MGAT4C: variants seen among roughly 807,000 people sequenced by gnomAD.
MGAT4C encodes alpha-1,3-mannosyl-glycoprotein 4-beta-N-acetylglucosaminyltransferase C.
Under a neutral mutation model 40.1 loss-of-function variants are expected in MGAT4C, and 19 were observed. The ratio of observed to expected loss-of-function variants is 0.47; its 90% confidence interval spans 0.33 to 0.70. The LOEUF is 0.70. Ranked by LOEUF, MGAT4C falls within the 30% of genes least tolerant of loss-of-function variation. The probability of loss-of-function intolerance (pLI) is 0.02; values close to 1 mark genes in which losing one functional copy is unlikely to be tolerated. For synonymous variants in MGAT4C, 181 were observed against 187.1 expected (o/e 0.97, Z 0.27); for missense variants, 491 against 563.2 (o/e 0.87, Z 1.30).
chr12:86,808,888 G>A (rs147682178), intron 1 of MGAT4C, among the ~76,000 whole-genome samples: 427 of 152,048 alleles, frequency 2.8e-3, no homozygotes, highest in African/African-American at 0.01. Context: ...AAACCTTGTC[G>A]TCTCAGCCCA....
intron 3 of MGAT4C, among the ~76,000 whole-genome samples, chr12:86,342,691 G>A (rs933628862): frequency 6.6e-6 from 1 of 151,962 alleles, no homozygotes; most frequent in Non-Finnish European, 1.5e-5. Context: ...CGCCCACCTC[G>A]GCCTCCCAAA....
intron 4 of MGAT4C, among the ~76,000 whole-genome samples, chr12:86,318,046 AT>A (rs978014124): frequency 1.3e-5 from 2 of 152,032 alleles, no homozygotes; most frequent in Non-Finnish European, 2.9e-5. Flanking sequence ...CTTATATTAA[AT>A]TTTCATTGAA....
rs186252688 is a variant in MGAT4C at position 86,440,715 on chromosome 12, C to T, written c.-228-5450G>A. On this transcript the variant is annotated intron_variant, in intron 2 of 7. Transcript: ENST00000548651. ...TGTTTGCAGATGATTTGATCATATA[C>T]CTAGGAAACCCTAAAGAGTCCTTCA... Among the ~76,000 whole-genome samples the T allele has an allele frequency of 2.4e-4, 37 of 152,026 alleles. No individual in the cohort carries two copies. In the East Asian group the frequency reaches 5.2e-3, roughly 21 times the overall value.
chr12:86,448,090 T>C (rs755599140), intron 2 of MGAT4C, among the ~76,000 whole-genome samples: 1 of 152,176 alleles, frequency 6.6e-6, no homozygotes, highest in Non-Finnish European at 1.5e-5. Context: ...TTCAGTTAAT[T>C]AGAGAAGGGA....
intron 1 of MGAT4C, among the ~76,000 whole-genome samples, chr12:86,225,336 T>C (rs768949481): frequency 2.0e-5 from 3 of 152,052 alleles, no homozygotes; most frequent in Non-Finnish European, 2.9e-5. Context: ...CAGGACTGGA[T>C]GAATTCACAG....
chr12:86,752,502 A>G lies in MGAT4C; in HGVS notation c.-261-25261T>C, dbSNP rs183079966. Among the ~76,000 whole-genome samples, 14 of 152,194 alleles carry G rather than the reference A, an allele frequency of 9.2e-5. 1 individual carries two copies. In the East Asian group the frequency reaches 2.5e-3, roughly 27 times the overall value. On this transcript the variant is annotated intron_variant, in intron 1 of 7. Transcript: ENST00000548651. Reference sequence around the variant, plus strand: ...TCTTTTAGATTTTCATAATAGTTCTAGAATTAGCTTGTCAATTTCCATAAA... The same window carrying G: ...TCTTTTAGATTTTCATAATAGTTCTGGAATTAGCTTGTCAATTTCCATAAA...
chr12:86,544,412 C>T (rs1371938012), intron 2 of MGAT4C, among the ~76,000 whole-genome samples: 1 of 151,586 alleles, frequency 6.6e-6, no homozygotes, highest in Non-Finnish European at 1.5e-5. Flanking sequence ...TATTTGTATC[C>T]TCAGTTTATT....
At chr12:85,992,733 C>T (rs183321087) in intron 2 of MGAT4C, among the ~76,000 whole-genome samples, 102 of 152,342 alleles carry the variant, frequency 6.7e-4, no homozygotes, top group Admixed American at 1.4e-3. Flanking sequence ...AAGCACAGAA[C>T]AGAAACATGG....
chr12:86,378,424 T>C lies in MGAT4C; in HGVS notation c.-119-44297A>G, dbSNP rs974563102. On this transcript the variant is annotated intron_variant, in intron 3 of 7. Coordinates refer to the MGAT4C transcript ENST00000548651. ...CTAATTCATAAGAATCTCTAGACAT[T>C]TGACTTGTATAATAAGGTGGAACAA... is the stretch of plus-strand genomic sequence containing the variant. 5.9e-5 allele frequency among the ~76,000 whole-genome samples: 9 copies of C among 152,284 alleles called. 1 individual carries two copies. Among genetic ancestry groups the C allele is most frequent in the Admixed American group, 2.6e-4 (4 of 15,288 alleles).
intron 2 of MGAT4C, among the ~76,000 whole-genome samples, chr12:85,994,743 C>T (rs1886417823): frequency 6.6e-6 from 1 of 152,078 alleles, no homozygotes; most frequent in Non-Finnish European, 1.5e-5. Context: ...GGAGAACAGA[C>T]TCCGGGATTA....
At chr12:86,802,566 T>A (rs1391470249) in intron 1 of MGAT4C, among the ~76,000 whole-genome samples, 1 of 151,838 alleles carries the variant, frequency 6.6e-6, no homozygotes, top group Non-Finnish European at 1.5e-5. Flanking sequence ...TTCAGCAAAG[T>A]CTCAGGATAC....
chr12:86,293,763 T>C (rs968862116), intron 4 of MGAT4C, among the ~76,000 whole-genome samples: 3 of 152,150 alleles, frequency 2.0e-5, no homozygotes, highest in African/African-American at 7.2e-5. Flanking sequence ...TGATAGTGAG[T>C]GAGTTCTCAC....
chr12:86,833,375 C>T lies in MGAT4C; in HGVS notation c.-262+5291G>A, dbSNP rs117588516. ...CATTTATTGTATTACTTTGCTAGGA[C>T]GGCCATAACAATGTACTACAGACTG... On this transcript the variant is annotated intron_variant, in intron 1 of 7. Coordinates refer to the MGAT4C transcript ENST00000548651. Among the ~76,000 whole-genome samples the T allele has an allele frequency of 7.0e-3, 1,070 of 151,912 alleles. 9 individuals carry two copies. The highest frequency in any genetic ancestry group is 0.01 in the Non-Finnish European group (687 of 67,870).
At chr12:86,245,241 T>C (rs1165864846) in intron 1 of MGAT4C, among the ~76,000 whole-genome samples, 2 of 152,186 alleles carry the variant, frequency 1.3e-5, no homozygotes, top group African/African-American at 4.8e-5. Flanking sequence ...CGTCCAGCCC[T>C]CGAGTTCTCT....
At chr12:86,587,296 T>C (rs1222972468) in intron 2 of MGAT4C, among the ~76,000 whole-genome samples, 1 of 152,126 alleles carries the variant, frequency 6.6e-6, no homozygotes, top group Non-Finnish European at 1.5e-5. Flanking sequence ...GACTCTGTTC[T>C]GTTCCATTGA....
At chr12:86,620,263 T>G (rs1035618207) in intron 2 of MGAT4C, among the ~76,000 whole-genome samples, 4 of 152,160 alleles carry the variant, frequency 2.6e-5, no homozygotes, top group African/African-American at 9.7e-5. Flanking sequence ...TGTGCTATTA[T>G]GTTTATGGCA....
intron 4 of MGAT4C, among the ~76,000 whole-genome samples, chr12:86,284,182 T>A (rs971880456): frequency 6.6e-6 from 1 of 151,984 alleles, no homozygotes; most frequent in Non-Finnish European, 1.5e-5. Context: ...TAACAGGTTG[T>A]CTCATTTAAA....
chr12:86,296,932 G>A (rs950789188), intron 4 of MGAT4C, among the ~76,000 whole-genome samples: 3 of 152,354 alleles, frequency 2.0e-5, no homozygotes, highest in Admixed American at 6.5e-5. Context: ...GGGCTGTGAG[G>A]ACTGCCAGCA....
At chr12:86,565,553 A>C (rs545705802) in intron 2 of MGAT4C, among the ~76,000 whole-genome samples, 4 of 152,316 alleles carry the variant, frequency 2.6e-5, no homozygotes, top group African/African-American at 7.2e-5. Context: ...CTTTGCATGG[A>C]TGGAGAAATG....
Sources: allele counts gnomAD v4.1 joint callset (sites outside exome capture counted in the v4.1 genomes callset), GRCh38; gene constraint gnomAD v4.1.1; transcripts MANE v1.5; gene names NCBI Gene and HGNC (gene_info 2026-07-23, HGNC 2026-07-21).